The following PTGER3 variants were observed in gnomAD, a reference collection of about 807,000 sequenced individuals.
PTGER3 encodes prostaglandin E receptor 3, also known as prostaglandin E2 receptor EP3 subtype.
A neutral mutation model predicts 34.7 loss-of-function variants in PTGER3; 22 were observed. That is an observed-to-expected ratio of 0.63 (90% CI 0.45 to 0.91). PTGER3 has a LOEUF of 0.91. Ranked by LOEUF, PTGER3 falls within the 40% of genes least tolerant of loss-of-function variation. The pLI, the probability that PTGER3 is intolerant of heterozygous loss-of-function variation, is 0.00. For missense variants in PTGER3, 468 were observed against 519.4 expected, an observed-to-expected ratio of 0.90 and a Z score of 0.96; for synonymous variants, 241 against 230.1, an observed-to-expected ratio of 1.05 and a Z score of -0.43.
At chr1:71,012,636 C>A in intron 1 of PTGER3, 152 bp from the exon 2 acceptor site, 2 of 671,984 alleles carry the variant, frequency 3.0e-6, no homozygotes, top group Non-Finnish European at 4.9e-6. Flanking sequence ...ATAACACAGT[C>A]CTGAATTATA....
chr1:70,961,009 G>A (rs1196949264), intron 2 of PTGER3, among the ~76,000 whole-genome samples: 3 of 152,126 alleles, frequency 2.0e-5, no homozygotes, highest in Non-Finnish European at 2.9e-5. Flanking sequence ...CATTTCATAG[G>A]TCTGGAGTGG....
chr1:70,979,360 A>G (rs917589027), intron 2 of PTGER3, among the ~76,000 whole-genome samples: 4 of 152,092 alleles, frequency 2.6e-5, no homozygotes, highest in Admixed American at 6.6e-5. Context: ...TAGAACCAGA[A>G]CTAGAAACCA....
Position 70,970,792 on chromosome 1 carries a change from G to T in PTGER3, c.*938C>A. Reference sequence around the variant, plus strand: ...GATGACTCAAGTATATCTTTTAGAAGTCCACAAAGTTTTTTATTTTAATAC... The same window carrying T: ...GATGACTCAAGTATATCTTTTAGAATTCCACAAAGTTTTTTATTTTAATAC... On this transcript the variant is annotated 3_prime_UTR_variant, in exon 4 of 4. Coordinates refer to ENST00000306666, the MANE Select transcript of PTGER3 (RefSeq NM_198719.2). The T allele has an allele frequency of 2.6e-6, 2 of 763,224 alleles. No individual in the cohort carries two copies. Among genetic ancestry groups the T allele is most frequent in the Non-Finnish European group, 3.2e-6 (2 of 627,334 alleles). The allele number at this position is 763,224 out of a possible 1,614,324, so 47.3% of individuals were successfully genotyped here. A position where few individuals can be genotyped will look rare whatever the true frequency, so the allele number is the denominator to read the frequency against.
At chr1:71,024,505 G>A (rs1486913004) in intron 1 of PTGER3, among the ~76,000 whole-genome samples, 5 of 152,042 alleles carry the variant, frequency 3.3e-5, no homozygotes, top group Non-Finnish European at 7.4e-5. Context: ...CAAGGGCCAA[G>A]CCCAGTAGAT....
At chr1:70,937,047 T>A (rs1178712241) in intron 4 of PTGER3, among the ~76,000 whole-genome samples, 1 of 152,156 alleles carries the variant, frequency 6.6e-6, no homozygotes, top group Admixed American at 6.5e-5. Context: ...TTTTCCCAAC[T>A]TGTACACTTG....
At chr1:70,865,168 T>A (rs116127830) in intron 4 of PTGER3, among the ~76,000 whole-genome samples, 130 of 152,266 alleles carry the variant, frequency 8.5e-4, no homozygotes, top group African/African-American at 3.0e-3. Context: ...GGACAACAGA[T>A]AAAGCTACTG....
intron 1 of PTGER3, among the ~76,000 whole-genome samples, chr1:71,046,306 A>C (rs56982798): frequency 0.057 from 8,400 of 147,066 alleles, 364 homozygotes; most frequent in East Asian, 0.18. Context: ...AAAAAAAAAA[A>C]CCCCACAATA....
rs140006481 is a variant in PTGER3, at chr1:70,981,291, TCTTC to T, written c.1078-6907_1078-6904del. Among the ~76,000 whole-genome samples, 624 of 80,166 alleles carry T rather than the reference TCTTC, an allele frequency of 7.8e-3. 7 individuals carry two copies. Among genetic ancestry groups the T allele is most frequent in the African/African-American group, 0.019 (421 of 22,576 alleles). 52.6% of individuals were successfully genotyped at this position (80,166 alleles called of 152,430 possible). ...TTTTTCCTTTTCTTTTCTCTCTCTC[TCTTC>T]CTTCCTTCCTTCCTTCCTTCCTTTC... On this transcript the variant is annotated intron_variant, in intron 2 of 3. Coordinates refer to ENST00000306666, the MANE Select transcript of PTGER3 (RefSeq NM_198719.2).
intron 1 of PTGER3, among the ~76,000 whole-genome samples, chr1:71,028,352 T>C (rs554857463): frequency 2.0e-5 from 3 of 152,296 alleles, no homozygotes; most frequent in South Asian, 2.1e-4. Context: ...AAGCCAAGAC[T>C]GTACTGCGAA....
intron 1 of PTGER3, among the ~76,000 whole-genome samples, chr1:71,036,823 A>G (rs1349346927): frequency 6.8e-6 from 1 of 147,560 alleles, no homozygotes; most frequent in Non-Finnish European, 1.5e-5. Context: ...TGGGTGACAG[A>G]ACGAGACTTT....
chr1:70,994,230 C>T (rs771024542), intron 2 of PTGER3, among the ~76,000 whole-genome samples: 2 of 152,134 alleles, frequency 1.3e-5, no homozygotes, highest in African/African-American at 2.4e-5. Context: ...AATATAAGAA[C>T]GTAAGAAGTG....
Position 71,011,881 on chromosome 1 carries a change from T to C in PTGER3, c.1077+424A>G, listed in dbSNP as rs893684992. 7.5e-6 allele frequency: 8 copies of C among 1,060,466 alleles called. No individual in the cohort carries two copies. In the African/African-American group the frequency reaches 1.2e-4, roughly 16 times the overall value. 65.7% of individuals were successfully genotyped at this position (1,060,466 alleles called of 1,614,324 possible). A position where few individuals can be genotyped will look rare whatever the true frequency, so the allele number is the denominator to read the frequency against. ...ATGATGTATGTGGTTAAATTCCTCA[T>C]GTATTCAGTGTACTGGAATATTAAC... On this transcript the variant is annotated intron_variant, in intron 2 of 3. Coordinates refer to ENST00000306666, the MANE Select transcript of PTGER3 (RefSeq NM_198719.2).
intron 4 of PTGER3, among the ~76,000 whole-genome samples, chr1:70,935,304 AATT>A (rs1451970593): frequency 6.6e-6 from 1 of 152,130 alleles, no homozygotes; most frequent in East Asian, 1.9e-4. Context: ...AACCTCCTCT[AATT>A]ATCATCTAGT....
intron 4 of PTGER3, among the ~76,000 whole-genome samples, chr1:70,873,574 A>C (rs1646208861): frequency 6.8e-6 from 1 of 146,398 alleles, no homozygotes. Context: ...TTTTATTTTA[A>C]TTTTCATAGG....
Position 70,930,871 on chromosome 1 carries a change from T to C in PTGER3, c.*23+22892A>G, listed in dbSNP as rs140001395. ...ATTCCTCCCCTGGCCCCTCCAAATC[T>C]CATGTTCTCACATTTCAAAACCAAT... On this transcript the variant is annotated intron_variant, in intron 4 of 4. Coordinates refer to the PTGER3 transcript ENST00000370931. Among the ~76,000 whole-genome samples, 514 of 152,216 alleles carry C rather than the reference T, an allele frequency of 3.4e-3. 1 individual carries two copies. The highest frequency in any genetic ancestry group is 0.012 in the African/African-American group (499 of 41,536).
chr1:70,952,900 C>T (rs1408759418), exon 4 of PTGER3: 1 of 1,599,802 alleles, frequency 6.3e-7, no homozygotes, highest in East Asian at 2.2e-5. Context: ...TAGTTATTTT[C>T]TTCATGTTAT....
intron 1 of PTGER3, among the ~76,000 whole-genome samples, chr1:71,022,698 C>G (rs1358753101): frequency 1.3e-5 from 2 of 151,442 alleles, no homozygotes; most frequent in East Asian, 1.9e-4. Flanking sequence ...TGCTCTCTCT[C>G]TCTCTTACAC....
At chr1:70,895,308 A>G (rs1180993275) in intron 4 of PTGER3, among the ~76,000 whole-genome samples, 1 of 152,224 alleles carries the variant, frequency 6.6e-6, no homozygotes, top group Non-Finnish European at 1.5e-5. Context: ...GGTCATGAAT[A>G]GCAACTCAAA....
chr1:71,006,964 C>T (rs923195626), intron 2 of PTGER3: 11 of 985,416 alleles, frequency 1.1e-5, no homozygotes, highest in African/African-American at 8.7e-5. Context: ...AAAAGTCTAA[C>T]GTACTTTTCA....
Sources: gnomAD v4.1 joint callset for allele counts (sites outside exome capture counted in the v4.1 genomes callset) on GRCh38, gnomAD v4.1.1 for gene constraint, MANE v1.5 for transcripts, NCBI Gene and HGNC (gene_info 2026-07-23, HGNC 2026-07-21) for gene names.